PACS1: variants seen among roughly 807,000 people sequenced by gnomAD.
PACS1 encodes phosphofurin acidic cluster sorting protein 1.
A neutral mutation model predicts 115.0 loss-of-function variants in PACS1; 24 were observed. The ratio of observed to expected loss-of-function variants is 0.21; its 90% CI spans 0.15 to 0.29. The LOEUF (loss-of-function observed/expected upper bound fraction) is 0.29. PACS1 is among the 10% of genes least tolerant of loss of function. PACS1 has a pLI of 1.00. For missense variants in PACS1, 838 were observed against 1,251.2 expected, an observed-to-expected ratio of 0.67 and a Z score of 4.98; for synonymous variants, 453 against 504.5, an observed-to-expected ratio of 0.90 and a Z score of 1.37.
chr11:66,238,692 C>A, intron 19 of PACS1, 112 bp from the exon 20 acceptor site: 2 of 1,010,380 alleles, frequency 2.0e-6, no homozygotes, highest in Admixed American at 2.0e-5. Flanking sequence ...TTAAAGTCGG[C>A]AATAAAATAA....
intron 1 of PACS1, among the ~76,000 whole-genome samples, chr11:66,175,041 C>T (rs548795144): frequency 2.8e-4 from 43 of 152,092 alleles, no homozygotes; most frequent in Non-Finnish European, 5.3e-4. Context: ...ATTCCAGCTA[C>T]TCGGGAGGCT....
intron 2 of PACS1, among the ~76,000 whole-genome samples, chr11:66,203,115 C>T (rs1854854990): frequency 6.6e-6 from 1 of 152,118 alleles, no homozygotes; most frequent in South Asian, 2.1e-4. Context: ...GAAAAACCTA[C>T]ACTTCACAAA....
At chr11:66,222,093 G>A (rs1252406542) in intron 10 of PACS1, among the ~76,000 whole-genome samples, 1 of 152,204 alleles carries the variant, frequency 6.6e-6, no homozygotes, top group Non-Finnish European at 1.5e-5. Flanking sequence ...TCCAGCCTAG[G>A]TGACAGAACA....
Position 66,165,359 on chromosome 11 carries a change from G to A in PACS1, c.357-28127G>A, listed in dbSNP as rs1286514024. Among the ~76,000 whole-genome samples the A allele has an allele frequency of 5.9e-5, 9 of 152,108 alleles. No individual in the cohort carries two copies. The East Asian group carries it at 1.7e-3, about 29-fold the overall frequency. On this transcript the variant is annotated intron_variant, in intron 1 of 23. Coordinates refer to ENST00000320580, the MANE Select transcript of PACS1 (RefSeq NM_018026.4). ...GACTTCTAAGCCTTGGAATACCCAG[G>A]GTCCCATTCTTGGCCTATTCTCTTT...
At chr11:66,184,242 G>A (rs1860068083) in intron 1 of PACS1, among the ~76,000 whole-genome samples, 1 of 149,112 alleles carries the variant, frequency 6.7e-6, no homozygotes, top group Non-Finnish European at 1.5e-5. Flanking sequence ...GAGCCTGAGA[G>A]GCGGAGGCTG....
chr11:66,076,470 G>A (rs7128989), intron 1 of PACS1, among the ~76,000 whole-genome samples: 144 of 151,912 alleles, frequency 9.5e-4, no homozygotes, highest in African/African-American at 3.3e-3. Context: ...GTGCGATCTC[G>A]GCTCACTGCA....
chr11:66,119,269 T>G (rs1224976885), intron 1 of PACS1, among the ~76,000 whole-genome samples: 1 of 152,238 alleles, frequency 6.6e-6, no homozygotes, highest in Non-Finnish European at 1.5e-5. Flanking sequence ...TAGTAATATT[T>G]TGTGACATGT....
chr11:66,202,722 C>A (rs13377417), intron 2 of PACS1, among the ~76,000 whole-genome samples: 2 of 12,832 alleles, frequency 1.6e-4, no homozygotes, highest in African/African-American at 3.2e-4. Context: ...AACCTCATCT[C>A]TAGGAAAAAA....
intron 1 of PACS1, among the ~76,000 whole-genome samples, chr11:66,090,271 C>CTTTTTTTTT (rs930565654): frequency 3.7e-5 from 4 of 109,442 alleles, no homozygotes; most frequent in Non-Finnish European, 5.5e-5. Context: ...TCTTTCCTTT[C>CTTTTTTTTT]TTTTTTTTTT....
intron 2 of PACS1, among the ~76,000 whole-genome samples, chr11:66,205,439 A>G (rs2134691703): frequency 6.6e-6 from 1 of 152,078 alleles, no homozygotes; most frequent in South Asian, 2.1e-4. Flanking sequence ...TAAATGATAA[A>G]TGCTTGAGGC....
At chr11:66,105,400 G>A (rs1223250334) in intron 1 of PACS1, among the ~76,000 whole-genome samples, 1 of 152,152 alleles carries the variant, frequency 6.6e-6, no homozygotes, top group Non-Finnish European at 1.5e-5. Context: ...TCCATCCTGG[G>A]CAACAAGAGT....
chr11:66,125,237 G>A (rs1015166322), intron 1 of PACS1, among the ~76,000 whole-genome samples: 3 of 152,118 alleles, frequency 2.0e-5, no homozygotes, highest in Non-Finnish European at 1.5e-5. Context: ...TGCAAATTGG[G>A]TACAGTGTAT....
intron 22 of PACS1, 125 bp downstream of exon 22, chr11:66,241,778 G>T: frequency 1.4e-6 from 1 of 725,010 alleles, no homozygotes; most frequent in Non-Finnish European, 2.3e-6. Flanking sequence ...GTCTGGCATG[G>T]GGTGCAGAGG....
At chr11:66,128,335 G>A (rs1031795567) in intron 1 of PACS1, among the ~76,000 whole-genome samples, 1 of 152,210 alleles carries the variant, frequency 6.6e-6, no homozygotes, top group Non-Finnish European at 1.5e-5. Flanking sequence ...TTAGTTAAGT[G>A]TGAAAATTGT....
intron 19 of PACS1, chr11:66,238,166 C>T (rs1427966133): frequency 3.0e-6 from 3 of 984,982 alleles, no homozygotes; most frequent in South Asian, 4.7e-5. Context: ...CCTAAAGAAC[C>T]CCCCCACCCC....
At chr11:66,220,570 T>C in intron 8 of PACS1, 61 bp from the exon 9 acceptor site, 2 of 1,567,374 alleles carry the variant, frequency 1.3e-6, no homozygotes, top group Non-Finnish European at 1.8e-6. Context: ...AAGGAGCTGC[T>C]CATCAACCAA....
intron 1 of PACS1, among the ~76,000 whole-genome samples, chr11:66,102,907 T>C (rs1350188044): frequency 6.6e-6 from 1 of 152,198 alleles, no homozygotes; most frequent in Non-Finnish European, 1.5e-5. Flanking sequence ...CTCAGCTCAC[T>C]GCAACCTCCA....
At chr11:66,099,354 G>C (rs145012749) in intron 1 of PACS1, among the ~76,000 whole-genome samples, 4,593 of 152,138 alleles carry the variant, frequency 0.03, 84 homozygotes, top group South Asian at 0.071. Flanking sequence ...CTCCCGAGTA[G>C]CTGGGACTAC....
chr11:66,104,704 A>T (rs1857995368), intron 1 of PACS1, among the ~76,000 whole-genome samples: 1 of 152,180 alleles, frequency 6.6e-6, no homozygotes, highest in Admixed American at 6.6e-5. Context: ...TGTCTTTGTG[A>T]TATACAGGGG....
Sources: allele counts gnomAD v4.1 joint callset (sites outside exome capture counted in the v4.1 genomes callset), GRCh38; gene constraint gnomAD v4.1.1; transcripts MANE v1.5; gene names NCBI Gene and HGNC (gene_info 2026-07-23, HGNC 2026-07-21).